The following ROBO2 variants were observed in gnomAD, a reference collection of about 807,000 sequenced individuals.
ROBO2 encodes roundabout homolog 2.
ROBO2 carries 53 observed loss-of-function variants against 160.8 expected under a neutral mutation model. The observed-to-expected ratio is 0.33, with a 90% CI of 0.26 to 0.41. ROBO2 has a LOEUF of 0.41. Ranked by LOEUF, ROBO2 falls within the 10% of genes least tolerant of loss-of-function variation. The pLI is 1.00. For synonymous variants in ROBO2, 664 were observed against 611.7 expected (o/e 1.09, Z -1.26); for missense variants, 1,577 against 1,722.4 (o/e 0.92, Z 1.49).
At position 75,955,673 on chromosome 3, in the gene ROBO2, A is replaced by G. The variant is rs1041835050; in HGVS notation, c.109+18071A>G. Among the ~76,000 whole-genome samples, 7 of 151,700 alleles carry G rather than the reference A, an allele frequency of 4.6e-5. No homozygotes were observed. In the Admixed American group the frequency reaches 4.6e-4, roughly 10 times the overall value. On this transcript the variant is annotated intron_variant, in intron 2 of 26. Coordinates refer to the ROBO2 transcript ENST00000487694. ...TAATGTTTGCAAAGATACTCTGTGC[A>G]CTCAAAGTGTGCTCTATACACTTCA...
intron 1 of ROBO2, among the ~76,000 whole-genome samples, chr3:77,084,773 A>G (rs2069092882): frequency 6.6e-6 from 1 of 152,026 alleles, no homozygotes; most frequent in Non-Finnish European, 1.5e-5. Context: ...AGGAATTGAG[A>G]CTCATATATT....
chr3:76,242,429 T>A (rs1288589154), intron 2 of ROBO2, among the ~76,000 whole-genome samples: 1 of 152,198 alleles, frequency 6.6e-6, no homozygotes, highest in Non-Finnish European at 1.5e-5. Flanking sequence ...ATTGTTGTGA[T>A]ACAGCTTAGA....
intron 2 of ROBO2, among the ~76,000 whole-genome samples, chr3:76,234,479 A>G (rs1438668016): frequency 6.6e-6 from 1 of 152,202 alleles, no homozygotes; most frequent in Non-Finnish European, 1.5e-5. Context: ...AATTTTGGAC[A>G]AACCTAACAG....
chr3:77,251,951 T>C lies in ROBO2; in HGVS notation c.388+153611T>C, dbSNP rs542722276. Among the ~76,000 whole-genome samples, 25 of 152,342 alleles carry C rather than the reference T, an allele frequency of 1.6e-4. No homozygotes were observed. In the South Asian group the frequency reaches 5.2e-3, roughly 32 times the overall value. The stretch of plus-strand genomic sequence containing the variant: ...GCACGAAAATGGACTGACAGACTTT[T>C]TTATTATTTACATGGCCAGCCTGGA... On this transcript the variant is annotated intron_variant, in intron 2 of 25. Coordinates refer to ENST00000461745, the Ensembl canonical transcript of ROBO2.
At chr3:77,616,785 C>A (rs1215674465) in intron 21 of ROBO2, among the ~76,000 whole-genome samples, 1 of 152,020 alleles carries the variant, frequency 6.6e-6, no homozygotes, top group African/African-American at 2.4e-5. Context: ...TATTCACAGA[C>A]CACAGTCCCT....
chr3:76,138,062 C>T (rs1044148624), intron 2 of ROBO2, among the ~76,000 whole-genome samples: 3 of 151,788 alleles, frequency 2.0e-5, no homozygotes, highest in Non-Finnish European at 4.4e-5. Context: ...AAAGCATAAC[C>T]GTGACTTTAT....
intron 2 of ROBO2, among the ~76,000 whole-genome samples, chr3:77,323,900 A>G (rs1420029883): frequency 6.6e-6 from 1 of 152,146 alleles, no homozygotes; most frequent in Admixed American, 6.5e-5. Flanking sequence ...CAAATTCCAA[A>G]CATGTTTTTC....
At chr3:77,372,601 T>C (rs1270946884) in intron 2 of ROBO2, among the ~76,000 whole-genome samples, 1 of 152,126 alleles carries the variant, frequency 6.6e-6, no homozygotes, top group African/African-American at 2.4e-5. Flanking sequence ...TCTACCAACT[T>C]TGTAAGAAAG....
At chr3:76,839,983 C>A (rs899601155) in intron 2 of ROBO2, among the ~76,000 whole-genome samples, 2 of 152,196 alleles carry the variant, frequency 1.3e-5, no homozygotes, top group Non-Finnish European at 2.9e-5. Flanking sequence ...TCTACTAATC[C>A]TTTAAATTCC....
chr3:77,366,678 C>A (rs1051680023), intron 2 of ROBO2, among the ~76,000 whole-genome samples: 1 of 152,060 alleles, frequency 6.6e-6, no homozygotes, highest in Non-Finnish European at 1.5e-5. Context: ...CAACATTTGC[C>A]TCTGATAAGG....
At chr3:77,464,507 T>A (rs2082565653) in intron 2 of ROBO2, among the ~76,000 whole-genome samples, 1 of 152,106 alleles carries the variant, frequency 6.6e-6, no homozygotes, top group African/African-American at 2.4e-5. Context: ...GAAGAGGCTG[T>A]AGAGACAATT....
chr3:75,939,622 A>G (rs1180879970), intron 2 of ROBO2, among the ~76,000 whole-genome samples: 2 of 152,160 alleles, frequency 1.3e-5, no homozygotes, highest in African/African-American at 4.8e-5. Context: ...TGATTCAGGC[A>G]ATTTTGCTTC....
intron 2 of ROBO2, among the ~76,000 whole-genome samples, chr3:76,930,496 G>C (rs188934460): frequency 1.3e-5 from 2 of 152,132 alleles, no homozygotes; most frequent in Non-Finnish European, 2.9e-5. Flanking sequence ...ATCCTATTCA[G>C]TTTGCTTAAT....
At chr3:76,863,069 A>G (rs1012983084) in intron 2 of ROBO2, among the ~76,000 whole-genome samples, 3 of 152,090 alleles carry the variant, frequency 2.0e-5, no homozygotes, top group Admixed American at 2.0e-4. Context: ...TGTAACTTCT[A>G]TATTTCTTAT....
chr3:77,397,187 G>T lies in ROBO2; in HGVS notation c.389-80227G>T, dbSNP rs1396893251. Among the ~76,000 whole-genome samples, 3 of 152,008 alleles carry T rather than the reference G, an allele frequency of 2.0e-5. No individual in the cohort carries two copies. In the South Asian group the frequency reaches 6.2e-4, roughly 31 times the overall value. ...AAAGAAAGTCCGTCTGTTCATATTCGGGAACTGTAGGTAACTAAAAGTCTT... is the reference window on the plus strand; with the variant it reads ...AAAGAAAGTCCGTCTGTTCATATTCTGGAACTGTAGGTAACTAAAAGTCTT... On this transcript the variant is annotated intron_variant, in intron 2 of 25. Coordinates refer to ENST00000461745, the Ensembl canonical transcript of ROBO2.
chr3:76,925,159 C>T (rs1039425859), intron 2 of ROBO2, among the ~76,000 whole-genome samples: 1 of 146,130 alleles, frequency 6.8e-6, no homozygotes, highest in East Asian at 2.0e-4. Context: ...TGCAGTGAGC[C>T]GAGATCCCGC....
At chr3:77,040,764 G>C (rs2064000314) in exon 1 of ROBO2, 1 of 1,613,590 alleles carries the variant, frequency 6.2e-7, no homozygotes, top group Admixed American at 1.7e-5. Context: ...TAAAGAATCT[G>C]GATCCTTTTT....
intron 2 of ROBO2, among the ~76,000 whole-genome samples, chr3:76,431,236 G>A (rs1258675932): frequency 2.7e-5 from 4 of 150,114 alleles, no homozygotes; most frequent in Non-Finnish European, 4.4e-5. Context: ...TTATTTGTCA[G>A]CAAAAAAAAT....
At chr3:77,041,892 T>G (rs2064139986) in intron 1 of ROBO2, among the ~76,000 whole-genome samples, 1 of 152,242 alleles carries the variant, frequency 6.6e-6, no homozygotes, top group South Asian at 2.1e-4. Context: ...TCTAACTGTT[T>G]GAGCCATCAC....
Sources: gnomAD v4.1 joint callset for allele counts (sites outside exome capture counted in the v4.1 genomes callset) on GRCh38, gnomAD v4.1.1 for gene constraint, MANE v1.5 for transcripts, NCBI Gene and HGNC (gene_info 2026-07-23, HGNC 2026-07-21) for gene names.